Variants in GORASP2 observed in about 807,000 individuals in gnomAD.
GORASP2 encodes the protein Golgi reassembly-stacking protein 2.
GORASP2 carries 22 observed loss-of-function variants against 45.7 expected under a neutral mutation model. The ratio of observed to expected loss-of-function variants is 0.48; its 90% CI spans 0.34 to 0.69. The LOEUF (loss-of-function observed/expected upper bound fraction) is 0.69. Among genes scored for constraint, GORASP2 ranks in the 30% least tolerant of loss-of-function variants. The pLI, the probability that GORASP2 is intolerant of heterozygous loss-of-function variation, is 0.01. For synonymous variants in GORASP2, 221 were observed against 215.6 expected (o/e 1.02, Z -0.22); for missense variants, 491 against 562.7 (o/e 0.87, Z 1.29).
chr2:170,929,402 G>A lies in GORASP2; in HGVS notation c.62G>A (p.Arg21Gln). 2.8e-6 allele frequency: 4 copies of A among 1,407,160 alleles called. No individual in the cohort carries two copies. Among genetic ancestry groups the A allele is most frequent in the Non-Finnish European group, 3.7e-6 (4 of 1,079,144 alleles). 87.2% of individuals were successfully genotyped at this position (1,407,160 alleles called of 1,614,324 possible). A position where few individuals can be genotyped will look rare whatever the true frequency, so the allele number is the denominator to read the frequency against. Reference protein sequence around the residue: ...GGGTEGYHVLRVQENSPGHRA... With the variant: ...GGGTEGYHVLQVQENSPGHRA... ...GGCACCGAGGGCTACCACGTTCTGCGGGTAAGGGCTCCGACGGCGGCCGGG... is the reference window on the plus strand; with the variant it reads ...GGCACCGAGGGCTACCACGTTCTGCAGGTAAGGGCTCCGACGGCGGCCGGG... The change falls in exon 1 of 10, where the codon CGG becomes CAG. Residue 21 changes from arginine (R) to glutamine (Q), a missense_variant and splice_region_variant. Transcript: ENST00000234160.
intron 1 of GORASP2, among the ~76,000 whole-genome samples, chr2:170,946,033 A>C (rs1470669992): frequency 6.6e-6 from 1 of 151,976 alleles, no homozygotes; most frequent in Non-Finnish European, 1.5e-5. Flanking sequence ...TTGTTTTGAG[A>C]CAGGGTCTCG....
intron 6 of GORASP2, among the ~76,000 whole-genome samples, chr2:170,955,670 C>T (rs1704408242): frequency 6.6e-6 from 1 of 152,212 alleles, no homozygotes; most frequent in South Asian, 2.1e-4. Flanking sequence ...CCAACATTGG[C>T]TCATGGCCAG....
At chr2:170,951,860 A>G (rs1173946915) in intron 5 of GORASP2, among the ~76,000 whole-genome samples, 2 of 152,236 alleles carry the variant, frequency 1.3e-5, no homozygotes, top group Non-Finnish European at 2.9e-5. Flanking sequence ...CTTTACCCAC[A>G]CTACCTGAGA....
chr2:170,929,210 G>A, upstream of GORASP2: 1 of 623,950 alleles, frequency 1.6e-6, no homozygotes, highest in Non-Finnish European at 2.4e-6. Context: ...CTCCCGGCGG[G>A]CTGTGCGGCC....
At chr2:170,942,518 G>A (rs144500338) in intron 1 of GORASP2, among the ~76,000 whole-genome samples, 1 of 152,234 alleles carries the variant, frequency 6.6e-6, no homozygotes, top group East Asian at 1.9e-4. Context: ...TTAGCATAAT[G>A]TTTTCAAGAT....
intron 4 of GORASP2, among the ~76,000 whole-genome samples, 158 bp from the exon 5 acceptor site, chr2:170,951,170 T>C (rs1353803232): frequency 2.6e-5 from 4 of 152,232 alleles, no homozygotes; most frequent in Non-Finnish European, 5.9e-5. Context: ...TGAATTAATA[T>C]ATTGAATTAA....
chr2:170,950,433 T>TA, intron 4 of GORASP2, 143 bp downstream of exon 4: 3 of 509,794 alleles, frequency 5.9e-6, no homozygotes, highest in Non-Finnish European at 1.0e-5. Flanking sequence ...CTCAGGGTGT[T>TA]AAATGGAACA....
intron 1 of GORASP2, chr2:170,936,649 A>G (rs1480114565): frequency 2.3e-6 from 3 of 1,299,878 alleles, no homozygotes; most frequent in South Asian, 1.2e-5. Context: ...GCTCAAGCAC[A>G]TTGTCAGAAA....
Position 170,965,858 on chromosome 2 carries a change from G to A in GORASP2, c.1087G>A (p.Glu363Lys), listed in dbSNP as rs1359939825. 12 of 1,613,862 alleles carry A rather than the reference G, an allele frequency of 7.4e-6. No homozygotes were observed. In the East Asian group the frequency reaches 1.8e-4, roughly 24 times the overall value. ...CATTGCACCTCTCCCCCTGCCATCC[G>A]AGTTCCTCCCGTCATTCCCCTTGGT... is the stretch of plus-strand genomic sequence containing the variant. ...PGIAPLPLPS[E>K]FLPSFPLVPE... Residue 363 changes from glutamate (E) to lysine (K), a missense_variant, in exon 10 of 10, where the codon GAG (glutamate) becomes AAG (lysine). Around this residue, in one of 2 missense-constraint regions of GORASP2, gnomAD observed 297 missense variants for 292.3 expected, o/e 1.02. Coordinates refer to ENST00000234160, the MANE Select transcript of GORASP2 (RefSeq NM_015530.5).
chr2:170,958,585 C>T (rs1033850527), intron 7 of GORASP2, among the ~76,000 whole-genome samples: 19 of 151,346 alleles, frequency 1.3e-4, no homozygotes, highest in African/African-American at 4.6e-4. Context: ...GTGTACTTCC[C>T]AAGGCAGCAG....
At chr2:170,940,395 T>TA (rs1360944925) in intron 1 of GORASP2, among the ~76,000 whole-genome samples, 13 of 152,138 alleles carry the variant, frequency 8.5e-5, no homozygotes, top group African/African-American at 3.1e-4. Context: ...TCTTCCCTCT[T>TA]ACTCTGCCAT....
intron 5 of GORASP2, chr2:170,954,404 GAT>G (rs1387851233): frequency 2.3e-6 from 1 of 430,280 alleles, no homozygotes; most frequent in Non-Finnish European, 4.2e-6. Flanking sequence ...GAGTAAGGGT[GAT>G]ATCCACAGTG....
chr2:170,929,502 C>A, intron 1 of GORASP2, 99 bp downstream of exon 1: 7 of 995,624 alleles, frequency 7.0e-6, no homozygotes, highest in Non-Finnish European at 1.4e-6. Context: ...GGCAGCCAGG[C>A]CCGATCCCGC....
intron 7 of GORASP2, among the ~76,000 whole-genome samples, chr2:170,960,300 T>C (rs1335555014): frequency 6.6e-6 from 1 of 152,164 alleles, no homozygotes; most frequent in Non-Finnish European, 1.5e-5. Context: ...ATGACCACAC[T>C]CAACTATCCA....
intron 1 of GORASP2, among the ~76,000 whole-genome samples, chr2:170,945,763 A>T (rs759902683): frequency 3.9e-5 from 6 of 152,180 alleles, no homozygotes; most frequent in Admixed American, 2.0e-4. Context: ...TAACATTAAG[A>T]GGTAATGAAC....
chr2:170,942,629 A>G (rs1400859054), intron 1 of GORASP2, among the ~76,000 whole-genome samples: 1 of 152,180 alleles, frequency 6.6e-6, no homozygotes, highest in African/African-American at 2.4e-5. Flanking sequence ...GGCTGTTTCT[A>G]CGTTAGGGAT....
intron 1 of GORASP2, among the ~76,000 whole-genome samples, chr2:170,934,244 CCTG>C (rs749812497): frequency 1.3e-5 from 2 of 150,334 alleles, no homozygotes; most frequent in African/African-American, 2.4e-5. Context: ...AAACTCATAC[CCTG>C]TTTTTTTTTT....
chr2:170,944,556 A>G (rs1008243484), intron 1 of GORASP2, among the ~76,000 whole-genome samples: 2 of 152,228 alleles, frequency 1.3e-5, no homozygotes, highest in Middle Eastern at 3.2e-3. Flanking sequence ...TTTTTGAATT[A>G]TAGGAAAAAT....
chr2:170,966,064 C>G lies in GORASP2; in HGVS notation c.1293C>G (p.Asp431Glu). Residue 431 changes from aspartate to glutamate, a missense_variant, in exon 10 of 10, where the codon GAC becomes GAG. Asp to Glu is a conservative substitution (Grantham distance 45). Coordinates refer to ENST00000234160, the MANE Select transcript of GORASP2 (RefSeq NM_015530.5). The stretch of plus-strand genomic sequence containing the variant: ...CCACCGTTGAGGACAGAGTCGGCGA[C>G]TCCACCCCAGTCAGCGAGAAGCCTG... The part of the protein sequence containing the change: ...APTTVEDRVG[D>E]STPVSEKPVS... 1 of 1,614,088 alleles carries G rather than the reference C, an allele frequency of 6.2e-7. No homozygotes were observed. The highest frequency in any genetic ancestry group is 8.5e-7 in the Non-Finnish European group (1 of 1,179,984).
Sources: gnomAD v4.1 joint callset for allele counts (sites outside exome capture counted in the v4.1 genomes callset) on GRCh38, gnomAD v4.1.1 for gene constraint, gnomAD v4.1.1 regional missense constraint, MANE v1.5 for transcripts, NCBI Gene and HGNC (gene_info 2026-07-23, HGNC 2026-07-21) for gene names.